Variants in SCHIP1 observed in about 807,000 individuals in gnomAD.
SCHIP1 encodes the protein schwannomin-interacting protein 1.
SCHIP1 carries 8 observed loss-of-function variants against 29.7 expected under a neutral mutation model. The ratio of observed to expected loss-of-function variants is 0.27; its 90% CI spans 0.16 to 0.49. SCHIP1 has a LOEUF of 0.49. Among genes scored for constraint, SCHIP1 ranks in the 20% least tolerant of loss-of-function variants. The pLI is 0.99. For missense variants in SCHIP1, 193 were observed against 294.6 expected (o/e 0.66, Z 2.52); for synonymous variants, 76 against 94.9 (o/e 0.80, Z 1.16).
At chr3:159,341,445 A>G in the SCHIP1 span, among the ~76,000 whole-genome samples, 5 of 152,062 alleles carry the variant, frequency 3.3e-5, no homozygotes, top group Admixed American at 3.3e-4. Flanking sequence ...TACCCCTCAT[A>G]CTGTGACCTA....
At position 159,886,342 on chromosome 3, in the gene SCHIP1, C is replaced by G. The variant is rs570330229; in HGVS notation, c.267+18C>G. ...CTCCCATGGTGAGTCCAAACAGCAC[C>G]AGCTGAAGCTCGGTGTTGTGATTTC... is the stretch of plus-strand genomic sequence containing the variant. On this transcript the variant is annotated intron_variant, in intron 3 of 6. Transcript: ENST00000445224. 1.6e-5 allele frequency: 25 copies of G among 1,608,488 alleles called. No individual in the cohort carries two copies. In the East Asian group the frequency reaches 4.9e-4, roughly 32 times the overall value.
the SCHIP1 span, chr3:159,398,871 T>G: frequency 1.8e-6 from 1 of 554,922 alleles, no homozygotes; most frequent in African/African-American, 2.0e-5. Context: ...TTTTAGTACC[T>G]TAGGACACCC....
exon 4 of SCHIP1, chr3:159,887,894 G>A (rs143827102): frequency 3.7e-5 from 60 of 1,613,850 alleles, no homozygotes; most frequent in African/African-American, 8.0e-5. Context: ...AAAGTCTCCC[G>A]TCGCTGATCT....
At chr3:159,551,848 C>T in the SCHIP1 span, among the ~76,000 whole-genome samples, 1 of 152,012 alleles carries the variant, frequency 6.6e-6, no homozygotes, top group African/African-American at 2.4e-5. Flanking sequence ...TGCCAGAATT[C>T]AGATTGGAGG....
At chr3:159,828,431 G>GTA in the SCHIP1 span, among the ~76,000 whole-genome samples, 17 of 53,344 alleles carry the variant, frequency 3.2e-4, 1 homozygote, top group East Asian at 2.1e-3. Flanking sequence ...ATATATATAC[G>GTA]TATATATACG....
the SCHIP1 span, among the ~76,000 whole-genome samples, chr3:159,523,347 A>G: frequency 6.6e-6 from 1 of 152,150 alleles, no homozygotes; most frequent in Non-Finnish European, 1.5e-5. Flanking sequence ...TATAATTGTT[A>G]CTTTTTCATT....
At chr3:159,276,353 A>G in the SCHIP1 span, among the ~76,000 whole-genome samples, 1 of 152,122 alleles carries the variant, frequency 6.6e-6, no homozygotes, top group Non-Finnish European at 1.5e-5. Flanking sequence ...AGTGAGCAGG[A>G]TGCTGATTGA....
the SCHIP1 span, among the ~76,000 whole-genome samples, chr3:159,410,124 T>C: frequency 6.6e-6 from 1 of 152,078 alleles, no homozygotes; most frequent in Non-Finnish European, 1.5e-5. Context: ...AACAATCAAA[T>C]CAAAATTGAC....
the SCHIP1 span, among the ~76,000 whole-genome samples, chr3:159,546,065 A>C: frequency 6.6e-6 from 1 of 152,006 alleles, no homozygotes; most frequent in Non-Finnish European, 1.5e-5. Flanking sequence ...TCTTGTGTTC[A>C]TTGCATATAT....
the SCHIP1 span, among the ~76,000 whole-genome samples, chr3:159,277,734 C>T: frequency 6.6e-6 from 1 of 151,136 alleles, no homozygotes; most frequent in Non-Finnish European, 1.5e-5. Context: ...CCAGCCTGGG[C>T]AAAGTGATGA....
chr3:159,672,321 C>T, the SCHIP1 span, among the ~76,000 whole-genome samples: 7 of 152,308 alleles, frequency 4.6e-5, 1 homozygote, highest in African/African-American at 1.4e-4. Flanking sequence ...TACATATTCC[C>T]TTATTTTGAA....
At chr3:159,784,692 C>T in the SCHIP1 span, among the ~76,000 whole-genome samples, 3 of 152,170 alleles carry the variant, frequency 2.0e-5, no homozygotes, top group Admixed American at 1.3e-4. Flanking sequence ...AGTCTTGTGA[C>T]GCCCAGGCTG....
chr3:159,542,458 G>A, the SCHIP1 span, among the ~76,000 whole-genome samples: 1 of 152,018 alleles, frequency 6.6e-6, no homozygotes, highest in African/African-American at 2.4e-5. Context: ...ATATAAGTGG[G>A]ATTCTACAGT....
chr3:159,844,987 A>G (rs918462970), intron 1 of SCHIP1, among the ~76,000 whole-genome samples: 2 of 152,258 alleles, frequency 1.3e-5, no homozygotes, highest in African/African-American at 4.8e-5. Context: ...CCAGGTCATG[A>G]GAAGCACCGT....
At chr3:159,775,844 AG>A in the SCHIP1 span, among the ~76,000 whole-genome samples, 1 of 152,216 alleles carries the variant, frequency 6.6e-6, no homozygotes, top group Admixed American at 6.5e-5. Flanking sequence ...AAAATTTTAA[AG>A]GGAATGAGGT....
At chr3:159,630,767 T>C in the SCHIP1 span, among the ~76,000 whole-genome samples, 1 of 152,118 alleles carries the variant, frequency 6.6e-6, no homozygotes, top group East Asian at 1.9e-4. Context: ...TTAGGTACGG[T>C]GTACACTGCT....
At chr3:159,469,993 T>C in the SCHIP1 span, among the ~76,000 whole-genome samples, 1 of 152,118 alleles carries the variant, frequency 6.6e-6, no homozygotes, top group Non-Finnish European at 1.5e-5. Context: ...GATAGTTCAA[T>C]GCAATGAAAC....
the SCHIP1 span, chr3:159,275,298 T>C: frequency 1.9e-5 from 3 of 156,396 alleles, no homozygotes; most frequent in Admixed American, 2.0e-4. Context: ...AGTAGGACTT[T>C]TCACACACCA....
At chr3:159,507,075 G>A in the SCHIP1 span, among the ~76,000 whole-genome samples, 8 of 152,114 alleles carry the variant, frequency 5.3e-5, no homozygotes, top group Non-Finnish European at 8.8e-5. Flanking sequence ...CCATTTTCAC[G>A]ATATTGATTC....
Sources: allele counts gnomAD v4.1 joint callset (sites outside exome capture counted in the v4.1 genomes callset), GRCh38; gene constraint gnomAD v4.1.1; transcripts MANE v1.5; gene names NCBI Gene and HGNC (gene_info 2026-07-23, HGNC 2026-07-21).